KIF21A: variants seen among roughly 807,000 people sequenced by gnomAD.
The protein encoded by KIF21A is kinesin-like protein KIF21A.
In KIF21A, 114 loss-of-function variants were observed where a neutral mutation model predicts 202.9. The observed-to-expected ratio is 0.56, with a 90% CI of 0.48 to 0.66. The LOEUF is 0.66. KIF21A is among the 30% of genes least tolerant of loss of function. KIF21A has a pLI of 0.00. For missense variants in KIF21A, 1,677 were observed against 1,994.9 expected (o/e 0.84, Z 3.04); for synonymous variants, 667 against 670.8 (o/e 0.99, Z 0.09).
rs538897935 is a variant in KIF21A, at chr12:39,298,944, G to T, written c.4931+2536C>A. On this transcript the variant is annotated intron_variant, in intron 37 of 37. Transcript: ENST00000361418. ...CTAAGGACTAAATGAGTTAATGTCT[G>T]CAAAGCAGTTAGAACAATGCCTCGC... 9.9e-5 allele frequency among the ~76,000 whole-genome samples: 15 copies of T among 152,268 alleles called. No homozygotes were observed. The East Asian group carries it at 2.1e-3, about 22-fold the overall frequency.
chr12:39,295,089 T>A (rs1472862237), intron 37 of KIF21A, among the ~76,000 whole-genome samples: 1 of 152,038 alleles, frequency 6.6e-6, no homozygotes, highest in Non-Finnish European at 1.5e-5. Context: ...ACTCAGCAAA[T>A]AAGCCCACAG....
In KIF21A at chr12:39,342,131, A is replaced by G. The variant is rs1439792491; in HGVS notation, c.1713-7T>C. 1.3e-6 allele frequency: 2 copies of G among 1,573,570 alleles called. No individual in the cohort carries two copies. The highest frequency in any genetic ancestry group is 1.7e-6 in the Non-Finnish European group (2 of 1,143,536). ...ATCCTCTTTACCAGCCACACTAAAA[A>G]AAGGAACATAAGGGTATGGTGTTAA... On this transcript the variant is annotated splice_polypyrimidine_tract_variant and splice_region_variant and intron_variant, in intron 12 of 37. Transcript: ENST00000361418.
At chr12:39,322,603 C>T in intron 27 of KIF21A, 65 bp downstream of exon 27, 2 of 1,164,430 alleles carry the variant, frequency 1.7e-6, no homozygotes, top group Non-Finnish European at 1.3e-6. Flanking sequence ...AAGAAATTAG[C>T]AACATGCATA....
At chr12:39,303,894 T>C (rs995231836) in intron 35 of KIF21A, among the ~76,000 whole-genome samples, 7 of 152,158 alleles carry the variant, frequency 4.6e-5, no homozygotes, top group Non-Finnish European at 8.8e-5. Flanking sequence ...TTTTAGACAC[T>C]CTTCTCCATT....
At chr12:39,377,814 A>C (rs1188987943) in intron 1 of KIF21A, among the ~76,000 whole-genome samples, 1 of 152,202 alleles carries the variant, frequency 6.6e-6, no homozygotes, top group African/African-American at 2.4e-5. Flanking sequence ...TACTTTTATG[A>C]ATGACAAAGA....
At chr12:39,302,353 T>C (rs1403690650) in intron 36 of KIF21A, among the ~76,000 whole-genome samples, 1 of 152,318 alleles carries the variant, frequency 6.6e-6, no homozygotes, top group Non-Finnish European at 1.5e-5. Flanking sequence ...ATCTGCTGAT[T>C]ACAAGCAGGA....
chr12:39,371,952 G>A (rs1949990802), intron 1 of KIF21A, among the ~76,000 whole-genome samples: 2 of 147,304 alleles, frequency 1.4e-5, no homozygotes. Flanking sequence ...AAAGAAAAGA[G>A]AAAAATATAA....
chr12:39,394,473 A>T (rs953078858), intron 1 of KIF21A, among the ~76,000 whole-genome samples: 3 of 152,230 alleles, frequency 2.0e-5, no homozygotes, highest in Admixed American at 2.0e-4. Context: ...ACACTGACAT[A>T]GCACATGCTA....
intron 11 of KIF21A, among the ~76,000 whole-genome samples, chr12:39,349,752 A>C (rs1948213092): frequency 6.6e-6 from 1 of 152,106 alleles, no homozygotes; most frequent in Admixed American, 6.6e-5. Flanking sequence ...TTTTAATTCA[A>C]AAAAACATTT....
intron 36 of KIF21A, among the ~76,000 whole-genome samples, chr12:39,301,949 T>G (rs945333731): frequency 5.9e-5 from 9 of 152,172 alleles, no homozygotes; most frequent in African/African-American, 9.7e-5. Flanking sequence ...TACATAGAAC[T>G]TTCGAGCATC....
rs112378701 is a variant in KIF21A at position 39,354,732 on chromosome 12, C to T, written c.1469+2100G>A. Among the ~76,000 whole-genome samples the T allele has an allele frequency of 2.7e-3, 416 of 152,172 alleles. 3 individuals carry two copies. Among genetic ancestry groups the T allele is most frequent in the African/African-American group, 8.7e-3 (362 of 41,538 alleles). On this transcript the variant is annotated intron_variant, in intron 10 of 37. Transcript: ENST00000361418. ...TTTTGACAGAAATATAGGTTGAAGT[C>T]GGGTTTAGCAGGTAAAAACAGAACT...
chr12:39,297,415 T>G (rs1220369569), intron 37 of KIF21A, among the ~76,000 whole-genome samples: 3 of 152,050 alleles, frequency 2.0e-5, no homozygotes, highest in East Asian at 1.9e-4. Context: ...CCATAAAAAA[T>G]GATGACTTCA....
In KIF21A at chr12:39,352,452, T is replaced by G. The variant is rs112229502; in HGVS notation, c.1470-472A>C. On this transcript the variant is annotated intron_variant, in intron 10 of 37. Transcript: ENST00000361418. ...TTTTTCATATTTCCTGATTGAATAATTATATATTTGTAATCATAATCTTAA... is the reference window on the plus strand; with the variant it reads ...TTTTTCATATTTCCTGATTGAATAAGTATATATTTGTAATCATAATCTTAA... 2.6e-3 allele frequency among the ~76,000 whole-genome samples: 393 copies of G among 152,284 alleles called. 3 individuals carry two copies. Among genetic ancestry groups the G allele is most frequent in the African/African-American group, 8.7e-3 (360 of 41,572 alleles).
In KIF21A at chr12:39,369,748, A is replaced by G. The variant is rs1275019194; in HGVS notation, c.431T>C (p.Val144Ala). 6.2e-7 allele frequency: 1 copy of G among 1,612,592 alleles called. No homozygotes were observed. Among genetic ancestry groups the G allele is most frequent in the Non-Finnish European group, 8.5e-7 (1 of 1,179,448 alleles). Residue 144 changes from valine to alanine, a missense_variant, in exon 3 of 38, where the codon GTG (valine) becomes GCG (alanine). Val to Ala is a moderately conservative substitution (Grantham distance 64). Transcript: ENST00000361418. ...KNGLPAPDFK[V>A]NAQFLELYNE... ...TATTACCTCTAAGAATTGGGCATTCACTTTAAAATCTGGAGCAGGAAGCCC... is the reference window on the plus strand; with the variant it reads ...TATTACCTCTAAGAATTGGGCATTCGCTTTAAAATCTGGAGCAGGAAGCCC...
intron 1 of KIF21A, among the ~76,000 whole-genome samples, chr12:39,423,380 T>C (rs1954465733): frequency 6.6e-6 from 1 of 152,042 alleles, no homozygotes; most frequent in African/African-American, 2.4e-5. Flanking sequence ...AAACCCTTTA[T>C]TGCTGTACCT....
At chr12:39,334,383 C>T (rs1314649638) in intron 17 of KIF21A, among the ~76,000 whole-genome samples, 2 of 152,012 alleles carry the variant, frequency 1.3e-5, no homozygotes, top group African/African-American at 2.4e-5. Flanking sequence ...AACAAATAAT[C>T]ACTCGTGTTT....
At chr12:39,398,849 TTCAA>T (rs769991945) in intron 1 of KIF21A, among the ~76,000 whole-genome samples, 1 of 152,086 alleles carries the variant, frequency 6.6e-6, no homozygotes, top group African/African-American at 2.4e-5. Flanking sequence ...CATCTGTGGA[TTCAA>T]CCAACCAAGG....
At chr12:39,402,739 A>C (rs1203784323) in intron 1 of KIF21A, among the ~76,000 whole-genome samples, 1 of 152,152 alleles carries the variant, frequency 6.6e-6, no homozygotes, top group Non-Finnish European at 1.5e-5. Context: ...AAACATTATT[A>C]GTTTTTTTGG....
chr12:39,324,089 G>A (rs1012724672), intron 26 of KIF21A, among the ~76,000 whole-genome samples: 10 of 151,718 alleles, frequency 6.6e-5, no homozygotes, highest in African/African-American at 4.8e-5. Context: ...CAGTCTGGGC[G>A]ATAGAGCAAG....
Sources: gnomAD v4.1 joint callset for allele counts (sites outside exome capture counted in the v4.1 genomes callset) on GRCh38, gnomAD v4.1.1 for gene constraint, MANE v1.5 for transcripts, NCBI Gene and HGNC (gene_info 2026-07-23, HGNC 2026-07-21) for gene names.